Variants in BYSL observed in about 807,000 individuals in gnomAD.
BYSL encodes the protein bystin like.
In BYSL, 21 loss-of-function variants were observed where a neutral mutation model predicts 45.4. That is an observed-to-expected ratio of 0.46 (90% CI 0.33 to 0.67). The LOEUF is 0.67. BYSL is among the 30% of genes least tolerant of loss of function. The probability of loss-of-function intolerance (pLI) is 0.02; values close to 1 mark genes in which losing one functional copy is unlikely to be tolerated. For missense variants in BYSL, 522 were observed against 578.5 expected, an observed-to-expected ratio of 0.90 and a Z score of 1.00; for synonymous variants, 215 against 231.3, an observed-to-expected ratio of 0.93 and a Z score of 0.64.
chr6:41,921,228 C>G (rs957733088), upstream of BYSL: 1 of 667,534 alleles, frequency 1.5e-6, no homozygotes, highest in Non-Finnish European at 2.5e-6. Flanking sequence ...ACATCATCTG[C>G]GGATTCCCGC....
At chr6:41,920,769 TA>T (rs550959409), upstream of BYSL, 8 of 451,508 alleles carry the variant, frequency 1.8e-5, no homozygotes, top group South Asian at 7.7e-5. Flanking sequence ...GACCCCGTCT[TA>T]AAAAAAACAA....
the BYSL span, among the ~76,000 whole-genome samples, chr6:41,915,857 G>A: frequency 2.3e-4 from 35 of 151,848 alleles, no homozygotes; most frequent in African/African-American, 8.2e-4. Flanking sequence ...TTAGTACCTT[G>A]GTTTTGGTGA....
rs553313690 is a variant in BYSL at position 41,925,055 on chromosome 6, T to C, written c.269-2319T>C. Reference sequence around the variant, plus strand: ...TGTAGACCTAGGAGGGAAAGAAAATTAGTTTAGTTGATAACGGGTGAGATT... The same window carrying C: ...TGTAGACCTAGGAGGGAAAGAAAATCAGTTTAGTTGATAACGGGTGAGATT... On this transcript the variant is annotated intron_variant, in intron 1 of 6. Transcript: ENST00000230340. Among the ~76,000 whole-genome samples, 21 of 151,894 alleles carry C rather than the reference T, an allele frequency of 1.4e-4. No homozygotes were observed. The South Asian group carries it at 2.7e-3, about 20-fold the overall frequency.
chr6:41,912,926 A>G, the BYSL span: 1 of 152,042 alleles, frequency 6.6e-6, no homozygotes, highest in Admixed American at 6.6e-5. Flanking sequence ...TGGGCAACAT[A>G]GGGAGACCTT....
Position 41,932,965 on chromosome 6 carries a change from G to T in BYSL, c.*259G>T, listed in dbSNP as rs558110669. 2.1e-6 allele frequency: 1 copy of T among 479,772 alleles called. No homozygotes were observed. 29.7% of individuals were successfully genotyped at this position (479,772 alleles called of 1,614,324 possible). A position where few individuals can be genotyped will look rare whatever the true frequency, so the allele number is the denominator to read the frequency against. On this transcript the variant is annotated 3_prime_UTR_variant, in exon 7 of 7. Transcript: ENST00000230340. This position sits in a 1 kb window ranked among gnomAD's most constrained non-coding sequence, Gnocchi z 4.7. ...CATATGCTAGCATTCCCAGTCCCCA[G>T]CTGGGGCTTGGTGTGAGTACTTTTT...
chr6:41,919,297 T>C (rs562324106), upstream of BYSL, among the ~76,000 whole-genome samples: 3 of 152,274 alleles, frequency 2.0e-5, no homozygotes, highest in Admixed American at 1.3e-4. Context: ...TGTATAAGGA[T>C]GTAGTGCCTG....
At chr6:41,912,609 G>A in the BYSL span, among the ~76,000 whole-genome samples, 4 of 151,620 alleles carry the variant, frequency 2.6e-5, no homozygotes, top group South Asian at 2.1e-4. Flanking sequence ...TGCCCGCCTC[G>A]GCCTCCCAAA....
upstream of BYSL, chr6:41,920,918 C>T: frequency 2.6e-6 from 4 of 1,529,044 alleles, no homozygotes; most frequent in Non-Finnish European, 3.5e-6. Context: ...CCCTCAGCTC[C>T]CAGAGGACGG....
At chr6:41,911,713 T>C in the BYSL span, among the ~76,000 whole-genome samples, 5 of 152,098 alleles carry the variant, frequency 3.3e-5, no homozygotes, top group African/African-American at 4.8e-5. Flanking sequence ...AGAGGTCATA[T>C]GGCTTCCCTA....
In BYSL at chr6:41,932,216, G is replaced by A; in HGVS notation, c.969-145G>A. ...GAGGTCAAGGGAGTATAATATGATTGTGTAGGTGAGAAGGTCCCTGGGGAA... is the reference window on the plus strand; with the variant it reads ...GAGGTCAAGGGAGTATAATATGATTATGTAGGTGAGAAGGTCCCTGGGGAA... On this transcript the variant is annotated intron_variant, in intron 6 of 6. Coordinates refer to ENST00000230340, the MANE Select transcript of BYSL (RefSeq NM_004053.4). This position sits in a 1 kb window ranked among gnomAD's most constrained non-coding sequence, Gnocchi z 4.7. 1.3e-6 allele frequency: 1 copy of A among 774,038 alleles called. No homozygotes were observed. The highest frequency in any genetic ancestry group is 1.7e-5 in the South Asian group (1 of 60,098). The allele number at this position is 774,038 out of a possible 1,614,324, so 47.9% of individuals were successfully genotyped here. A position where few individuals can be genotyped will look rare whatever the true frequency, so the allele number is the denominator to read the frequency against.
the BYSL span, among the ~76,000 whole-genome samples, chr6:41,912,111 T>G: frequency 6.6e-6 from 1 of 151,044 alleles, no homozygotes; most frequent in East Asian, 1.9e-4. Flanking sequence ...TGTAGTGGCA[T>G]GAACACAGCT....
At chr6:41,914,638 A>T in the BYSL span, among the ~76,000 whole-genome samples, 1 of 151,974 alleles carries the variant, frequency 6.6e-6, no homozygotes, top group Non-Finnish European at 1.5e-5. Context: ...CTCATTGCCT[A>T]AGCCCAGGAG....
At chr6:41,921,109 C>T, upstream of BYSL, 1 of 1,538,434 alleles carries the variant, frequency 6.5e-7, no homozygotes, top group Non-Finnish European at 8.9e-7. Context: ...CCCAACACAA[C>T]CTTCTGTCTC....
chr6:41,916,258 TAAATAAAATAAAATAAAATA>T, the BYSL span, among the ~76,000 whole-genome samples: 2 of 148,228 alleles, frequency 1.3e-5, no homozygotes, highest in Non-Finnish European at 3.0e-5. Context: ...CTCAAAAAAA[TAAATAAAATAAAATAAAATA>T]AAATAAAATA....
intron 4 of BYSL, among the ~76,000 whole-genome samples, chr6:41,931,191 A>G (rs1271681868): frequency 4.3e-5 from 4 of 93,402 alleles, no homozygotes; most frequent in Non-Finnish European, 2.3e-5. Flanking sequence ...GGTGCTCCTC[A>G]TTTGGGTATA....
chr6:41,916,781 T>C, upstream of BYSL: 2 of 1,613,932 alleles, frequency 1.2e-6, no homozygotes, highest in East Asian at 2.2e-5. Flanking sequence ...CCCATCTCAC[T>C]GACCTTGGCT....
intron 1 of BYSL, among the ~76,000 whole-genome samples, chr6:41,922,440 A>G (rs1377962099): frequency 6.6e-6 from 1 of 152,180 alleles, no homozygotes; most frequent in African/African-American, 2.4e-5. Flanking sequence ...CTAGGGAGGG[A>G]GTGTTGACCT....
At chr6:41,919,064 G>C, upstream of BYSL, among the ~76,000 whole-genome samples, 1 of 148,288 alleles carries the variant, frequency 6.7e-6, no homozygotes, top group Non-Finnish European at 1.5e-5. Context: ...GGGAGGCGGA[G>C]CTTGCAGTGA....
At position 41,931,425 on chromosome 6, in the gene BYSL, T is replaced by A. The variant is rs201288163; in HGVS notation, c.734T>A (p.Met245Lys). ...RIFASNLKER[M>K]AQRFYNLVLL... ...TTTGCCTCTAACCTGAAGGAACGCA[T>A]GGCCCAGCGCTTCTACAACCTTGTC... Residue 245 changes from methionine (M) to lysine (K), a missense_variant, in exon 5 of 7, where the codon ATG becomes AAG. Met to Lys is a moderately conservative substitution (Grantham distance 95). Transcript: ENST00000230340. 2 of 1,612,522 alleles carry A rather than the reference T, an allele frequency of 1.2e-6. No individual in the cohort carries two copies. The highest frequency in any genetic ancestry group is 2.7e-5 in the African/African-American group (2 of 74,844).
Sources: allele counts gnomAD v4.1 joint callset (sites outside exome capture counted in the v4.1 genomes callset), GRCh38; gene constraint gnomAD v4.1.1; non-coding constraint Gnocchi (gnomAD v3.1); transcripts MANE v1.5; gene names NCBI Gene and HGNC (gene_info 2026-07-23, HGNC 2026-07-21).